Variants in PSD3 observed in about 807,000 individuals in gnomAD.
PSD3 encodes the protein pleckstrin and Sec7 domain containing 3.
Under a neutral mutation model 105.5 loss-of-function variants are expected in PSD3, and 49 were observed. The observed-to-expected ratio is 0.46, with a 90% CI of 0.37 to 0.59. The LOEUF is 0.59. Ranked by LOEUF, PSD3 falls within the 20% of genes least tolerant of loss-of-function variation. PSD3 has a pLI of 0.00. For missense variants in PSD3, 1,561 were observed against 1,263.8 expected (o/e 1.24, Z -3.57); for synonymous variants, 557 against 457.8 (o/e 1.22, Z -2.77).
intron 1 of PSD3, among the ~76,000 whole-genome samples, chr8:19,022,392 T>TTG (rs1224720340): frequency 2.6e-5 from 4 of 152,202 alleles, no homozygotes. Context: ...CCCACCCTAC[T>TTG]GGGTGGACCC....
At chr8:18,868,338 T>TA (rs1472687224) in intron 3 of PSD3, among the ~76,000 whole-genome samples, 1 of 152,198 alleles carries the variant, frequency 6.6e-6, no homozygotes, top group Non-Finnish European at 1.5e-5. Flanking sequence ...AAGATATGAA[T>TA]AAAATATTCA....
chr8:18,669,070 T>A (rs964970723), intron 9 of PSD3, among the ~76,000 whole-genome samples: 2 of 152,236 alleles, frequency 1.3e-5, no homozygotes, highest in Non-Finnish European at 2.9e-5. Flanking sequence ...ACTGACTATT[T>A]ATAACTTGTC....
chr8:18,651,877 G>A (rs997870744), intron 10 of PSD3, among the ~76,000 whole-genome samples: 16 of 152,166 alleles, frequency 1.1e-4, no homozygotes, highest in Admixed American at 5.9e-4. Context: ...TTGGCAGAAC[G>A]TGAAGGGCCT....
At chr8:18,735,107 C>T (rs1463634473) in intron 9 of PSD3, among the ~76,000 whole-genome samples, 1 of 152,058 alleles carries the variant, frequency 6.6e-6, no homozygotes, top group Non-Finnish European at 1.5e-5. Context: ...TTGATTAATC[C>T]TACATTCAGT....
intron 11 of PSD3, among the ~76,000 whole-genome samples, chr8:18,621,876 T>G (rs1248377605): frequency 1.3e-5 from 2 of 152,272 alleles, no homozygotes; most frequent in Admixed American, 1.3e-4. Context: ...ATAGTGTCGC[T>G]GTTCCCAATG....
At chr8:18,707,960 G>T (rs1003724427) in intron 9 of PSD3, among the ~76,000 whole-genome samples, 17 of 152,206 alleles carry the variant, frequency 1.1e-4, no homozygotes, top group African/African-American at 3.6e-4. Context: ...ACAGAGGAAA[G>T]ATTAGGCAAT....
chr8:18,797,687 C>T (rs1244870730), intron 8 of PSD3, among the ~76,000 whole-genome samples: 1 of 152,134 alleles, frequency 6.6e-6, no homozygotes, highest in Admixed American at 6.6e-5. Flanking sequence ...TTTAAAAATG[C>T]AATCTAGGAT....
rs1368156638 is a variant in PSD3, at chr8:18,936,041, T to C, written c.123A>G (p.Pro41=). The C allele has an allele frequency of 6.2e-6, 10 of 1,605,588 alleles. No homozygotes were observed. Among genetic ancestry groups the C allele is most frequent in the Non-Finnish European group, 8.5e-6 (10 of 1,172,802 alleles). ...ATATGAGGAAATACTTACTAGTATC[T>C]GGAGCTTTCCCTTCAGATCTGCCAA... ...FLFGRSEGKA[P]DTSDHGGSTL... is the part of the protein sequence containing the mutation. The change falls in exon 2 of 16, where the codon CCA becomes CCG. Residue 41 remains proline (P), a synonymous_variant. Transcript: ENST00000327040.
At chr8:18,674,169 G>A (rs551253358) in intron 9 of PSD3, among the ~76,000 whole-genome samples, 1 of 152,052 alleles carries the variant, frequency 6.6e-6, no homozygotes, top group African/African-American at 2.4e-5. Context: ...AATGGTGGGA[G>A]GAAGGGTATG....
intron 2 of PSD3, among the ~76,000 whole-genome samples, chr8:18,921,303 T>C (rs975025778): frequency 1.3e-5 from 2 of 152,196 alleles, no homozygotes; most frequent in Non-Finnish European, 2.9e-5. Context: ...GTTAAAATGG[T>C]TTATAAACAT....
intron 9 of PSD3, among the ~76,000 whole-genome samples, chr8:18,749,812 G>A (rs779916277): frequency 1.1e-4 from 17 of 152,148 alleles, no homozygotes; most frequent in South Asian, 6.2e-4. Context: ...AAAGGTGACC[G>A]CTAGAAGCTG....
At chr8:18,591,768 C>T (rs980046302) in intron 12 of PSD3, among the ~76,000 whole-genome samples, 2 of 152,178 alleles carry the variant, frequency 1.3e-5, no homozygotes, top group African/African-American at 4.8e-5. Flanking sequence ...ATTCAGGGAA[C>T]TGATGGCATA....
At chr8:19,027,488 A>G (rs1827597809) in intron 1 of PSD3, among the ~76,000 whole-genome samples, 2 of 152,206 alleles carry the variant, frequency 1.3e-5, no homozygotes, top group African/African-American at 4.8e-5. Flanking sequence ...TTTGTGTACA[A>G]TTCAATGAGA....
At chr8:18,798,479 A>G (rs1284157142) in intron 8 of PSD3, among the ~76,000 whole-genome samples, 2 of 152,178 alleles carry the variant, frequency 1.3e-5, no homozygotes, top group African/African-American at 4.8e-5. Flanking sequence ...TTAAAAGGGA[A>G]CACTATATTT....
intron 10 of PSD3, among the ~76,000 whole-genome samples, chr8:18,634,336 G>A (rs1807107018): frequency 6.6e-6 from 1 of 151,986 alleles, no homozygotes; most frequent in Non-Finnish European, 1.5e-5. Flanking sequence ...AGAAGAAATG[G>A]ATATTTTACT....
At chr8:18,691,005 TAA>T (rs199758994) in intron 9 of PSD3, among the ~76,000 whole-genome samples, 1 of 143,284 alleles carries the variant, frequency 7.0e-6, no homozygotes, top group African/African-American at 2.6e-5. Context: ...CGGTTAGGAG[TAA>T]AAAAAAAAAA....
intron 14 of PSD3, among the ~76,000 whole-genome samples, chr8:18,570,913 G>A (rs2130313719): frequency 6.6e-6 from 1 of 151,540 alleles, no homozygotes; most frequent in East Asian, 1.9e-4. Context: ...AGGCTGGAAT[G>A]CAGTGGCATG....
At position 19,013,568 on chromosome 8, in the gene PSD3, C is replaced by G. The variant is rs768581972; in HGVS notation, c.16G>C (p.Ala6Pro). 2.6e-6 allele frequency: 4 copies of G among 1,552,142 alleles called. No individual in the cohort carries two copies. Among genetic ancestry groups the G allele is most frequent in the Non-Finnish European group, 3.5e-6 (4 of 1,158,150 alleles). The change falls in exon 1 of 16, where the codon GCA (alanine) becomes CCA (proline). Residue 6 changes from alanine (A) to proline (P), a missense_variant. Physicochemically the swap from Ala to Pro is conservative, Grantham distance 27. Transcript: ENST00000327040. Reference sequence around the variant, plus strand: ...GCCCCGGCCCCGGAGCTCACCGCTGCGCTCCTTCCTTCCATCTTCCATCGC... The same window carrying G: ...GCCCCGGCCCCGGAGCTCACCGCTGGGCTCCTTCCTTCCATCTTCCATCGC... MEGRS[A>P]AAETFVWVNN...
At chr8:18,535,992 A>G in intron 15 of PSD3, 34 bp from the exon 16 acceptor site, 12 of 1,584,380 alleles carry the variant, frequency 7.6e-6, no homozygotes, top group Non-Finnish European at 1.0e-5. Context: ...CGGTAGTCAG[A>G]AAACTGTTCA....
Sources: allele counts gnomAD v4.1 joint callset (sites outside exome capture counted in the v4.1 genomes callset), GRCh38; gene constraint gnomAD v4.1.1; transcripts MANE v1.5; gene names NCBI Gene and HGNC (gene_info 2026-07-23, HGNC 2026-07-21).